The following GOLGA6L2 variants were observed in gnomAD, a reference collection of about 807,000 sequenced individuals.
GOLGA6L2 encodes golgin A6 family like 2.
In GOLGA6L2, 30 loss-of-function variants were observed where a neutral mutation model predicts 35.9. The ratio of observed to expected loss-of-function variants is 0.83; its 90% confidence interval spans 0.62 to 1.13. GOLGA6L2 has a LOEUF of 1.13. Among genes scored for constraint, GOLGA6L2 ranks in the 50% most tolerant of loss-of-function variants. The probability of loss-of-function intolerance (pLI) is 0.00; values close to 1 mark genes in which losing one functional copy is unlikely to be tolerated. For synonymous variants in GOLGA6L2, 297 were observed against 344.0 expected (o/e 0.86, Z 1.51); for missense variants, 821 against 973.4 (o/e 0.84, Z 2.08).
In GOLGA6L2 at chr15:23,443,833, C is replaced by G. The variant is rs80332934; in HGVS notation, c.535G>C (p.Gly179Arg). 4.2e-5 allele frequency: 65 copies of G among 1,540,148 alleles called. No individual in the cohort carries two copies. In the East Asian group the frequency reaches 5.3e-4, roughly 13 times the overall value. Residue 179 changes from glycine to arginine, a missense_variant, in exon 5 of 8, where the codon GGA becomes CGA. This residue lies in a region of GOLGA6L2 where 614 missense variants were observed against 632.3 expected (regional missense o/e 0.97). Transcript: ENST00000567107. ...GCAGAGAGAGCCCGCTGTAACTCTCCTGCAAAGTGCCAGGAATGATGCAAG... is the reference window on the plus strand; with the variant it reads ...GCAGAGAGAGCCCGCTGTAACTCTCGTGCAAAGTGCCAGGAATGATGCAAG... The part of the protein sequence containing the change: ...GRLHHSWHFA[G>R]ELQRALSAVS...
chr15:23,444,078 G>A lies in GOLGA6L2; in HGVS notation c.295-5C>T, dbSNP rs1242574475. 1.3e-6 allele frequency: 2 copies of A among 1,572,460 alleles called. No homozygotes were observed. Among genetic ancestry groups the A allele is most frequent in the South Asian group, 2.3e-5 (2 of 88,020 alleles). ...TCGTATTGTATGATCCTGGGCCTTT[G>A]GGAGAAAAGACAAGCAAGTGCTGAA... On this transcript the variant is annotated splice_polypyrimidine_tract_variant and splice_region_variant and intron_variant, in intron 4 of 7. Coordinates refer to ENST00000567107, the MANE Select transcript of GOLGA6L2 (RefSeq NM_001304388.2).
At chr15:23,443,211 G>A (rs1331621330) in intron 5 of GOLGA6L2, among the ~76,000 whole-genome samples, 1 of 152,112 alleles carries the variant, frequency 6.6e-6, no homozygotes, top group Non-Finnish European at 1.5e-5. Context: ...CAGATAAGAA[G>A]GAGGAAATTA....
Position 23,444,228 on chromosome 15 carries a change from G to A in GOLGA6L2, c.244-16C>T, listed in dbSNP as rs770880870. ...CCTTCTTTTCCTATAGAAAGAGGAA[G>A]ACAGAGCTCTTACTAGGGGGAGGCA... On this transcript the variant is annotated splice_polypyrimidine_tract_variant and intron_variant, in intron 3 of 7. Transcript: ENST00000567107. 2.1e-5 allele frequency: 34 copies of A among 1,603,404 alleles called. No homozygotes were observed. The highest frequency in any genetic ancestry group is 4.4e-5 in the South Asian group (4 of 90,608).
At chr15:23,442,415 C>T (rs1394927001) in intron 6 of GOLGA6L2, 35 bp downstream of exon 6, 13 of 1,580,446 alleles carry the variant, frequency 8.2e-6, no homozygotes, top group Admixed American at 1.7e-5. Flanking sequence ...CGCTAAGGGC[C>T]CCCAGACCTC....
rs764247022 is a variant in GOLGA6L2 at position 23,439,777 on chromosome 15, C to T, written c.2698G>A (p.Ala900Thr). The change falls in exon 8 of 8, where the codon GCC becomes ACC. Residue 900 changes from alanine (A) to threonine (T), a missense_variant. Ala to Thr is a moderately conservative substitution (Grantham distance 58). Around this residue, in one of 7 missense-constraint regions of GOLGA6L2, gnomAD observed 48 missense variants for 42.7 expected, o/e 1.12. Coordinates refer to ENST00000567107, the MANE Select transcript of GOLGA6L2 (RefSeq NM_001304388.2). ...GAACTTTGGAGGGAGGGAGGCAGGGCTCTGAGCACCGCTCCTCGTGCTCTG... is the reference window on the plus strand; with the variant it reads ...GAACTTTGGAGGGAGGGAGGCAGGGTTCTGAGCACCGCTCCTCGTGCTCTG... ...AARARGAVLR[A>T]LPPSLQSSL is the part of the protein sequence containing the mutation. The T allele has an allele frequency of 3.3e-6, 5 of 1,534,964 alleles. No homozygotes were observed. The South Asian group carries it at 6.0e-5, about 18-fold the overall frequency.
Position 23,441,062 on chromosome 15 carries a change from C to T in GOLGA6L2, c.1413G>A (p.Glu471=). The T allele has an allele frequency of 6.5e-7, 1 of 1,535,856 alleles. No individual in the cohort carries two copies. Among genetic ancestry groups the T allele is most frequent in the African/African-American group, 1.4e-5 (1 of 72,590 alleles). Reference sequence around the variant, plus strand: ...TATTCTCCTCCTGCTTCTGCATCTTCTCCTCCTGCTCCCGCATCGTCTCCT... The same window carrying T: ...TATTCTCCTCCTGCTTCTGCATCTTTTCCTCCTGCTCCCGCATCGTCTCCT... ...EEEETMREQE[E]KMQKQEENMW... is the part of the protein sequence containing the mutation. Residue 471 remains glutamate (E), a synonymous_variant, in exon 8 of 8, where the codon GAG becomes GAA. Coordinates refer to ENST00000567107, the MANE Select transcript of GOLGA6L2 (RefSeq NM_001304388.2).
At chr15:23,444,111 C>CA (rs760076817) in intron 4 of GOLGA6L2, 38 bp from the exon 5 acceptor site, 229 of 1,591,978 alleles carry the variant, frequency 1.4e-4, no homozygotes, top group Non-Finnish European at 1.8e-4. Flanking sequence ...GAAAGAGAAG[C>CA]AAAAAAACCT....
At chr15:23,444,139 G>A in intron 4 of GOLGA6L2, 23 bp downstream of exon 4, 3 of 1,602,596 alleles carry the variant, frequency 1.9e-6, no homozygotes, top group Non-Finnish European at 2.5e-6. Context: ...AGGACAGGAG[G>A]GAACTTCACA....
At chr15:23,445,913 A>G (rs1886774417) in intron 1 of GOLGA6L2, among the ~76,000 whole-genome samples, 1 of 152,212 alleles carries the variant, frequency 6.6e-6, no homozygotes, top group Non-Finnish European at 1.5e-5. Flanking sequence ...GAAGTCTGGT[A>G]TACTTTTAGA....
In GOLGA6L2 at chr15:23,443,978, A is replaced by G. The variant is rs768547245; in HGVS notation, c.390T>C (p.Asp130=). 6.4e-6 allele frequency: 10 copies of G among 1,561,894 alleles called. No individual in the cohort carries two copies. The highest frequency in any genetic ancestry group is 2.3e-5 in the East Asian group (1 of 43,008). The part of the protein sequence containing the change: ...YSQDAARKFE[D]GNLGTPSSFN... ...AGGATGATGGGGTGCCCAGGTTCCC[A>G]TCTTCAAATTTCCTGGCAGCATCCT... Residue 130 remains aspartate, a synonymous_variant, in exon 5 of 8, where the codon GAT becomes GAC. Transcript: ENST00000567107.
At chr15:23,442,378 AC>A (rs987781180) in intron 6 of GOLGA6L2, 71 bp downstream of exon 6, 7 of 710,804 alleles carry the variant, frequency 9.8e-6, no homozygotes, top group Admixed American at 2.3e-5. Context: ...GCTCACCTGT[AC>A]CCCCCACCTC....
chr15:23,439,754 A>G lies in GOLGA6L2; in HGVS notation c.2721T>C (p.Ser907=). 1 of 1,534,718 alleles carries G rather than the reference A, an allele frequency of 6.5e-7. No homozygotes were observed. The highest frequency in any genetic ancestry group is 1.2e-5 in the South Asian group (1 of 83,952). The change falls in exon 8 of 8, where the codon AGT becomes AGC. Residue 907 remains serine (S), a synonymous_variant. Transcript: ENST00000567107. ...VLRALPPSLQ[S]SL ...GCCAGTGTGGCTCATATTACAAAGA[A>G]CTTTGGAGGGAGGGAGGCAGGGCTC...
intron 7 of GOLGA6L2, 130 bp downstream of exon 7, chr15:23,441,849 A>C (rs756003302): frequency 4.3e-5 from 59 of 1,373,604 alleles, no homozygotes; most frequent in Non-Finnish European, 5.7e-5. Context: ...AGAGGATTCT[A>C]TGGTGGGACC....
chr15:23,445,230 T>G, intron 2 of GOLGA6L2, 80 bp downstream of exon 2: 1 of 261,708 alleles, frequency 3.8e-6, no homozygotes, highest in South Asian at 4.7e-5. Context: ...CCGGCAGTTC[T>G]TCCTTCCACA....
rs1441907076 is a variant in GOLGA6L2, at chr15:23,444,381, A to C, written c.243+90T>G. On this transcript the variant is annotated intron_variant, in intron 3 of 7. Coordinates refer to ENST00000567107, the MANE Select transcript of GOLGA6L2 (RefSeq NM_001304388.2). ...ATCTTGGCGGTGAGCCTTCTTCCCCAAGCTGGGAGTAGGCGAGATGAGACG... is the reference window on the plus strand; with the variant it reads ...ATCTTGGCGGTGAGCCTTCTTCCCCCAGCTGGGAGTAGGCGAGATGAGACG... 22 of 1,506,544 alleles carry C rather than the reference A, an allele frequency of 1.5e-5. No individual in the cohort carries two copies. The East Asian group carries it at 5.0e-4, about 34-fold the overall frequency. The allele number at this position is 1,506,544 out of a possible 1,614,324, so 93.3% of individuals were successfully genotyped here.
intron 7 of GOLGA6L2, 124 bp downstream of exon 7, chr15:23,441,855 G>A (rs2070697385): frequency 3.6e-6 from 5 of 1,380,280 alleles, no homozygotes; most frequent in Non-Finnish European, 3.8e-6. Flanking sequence ...TTCTATGGTG[G>A]GACCAGAACA....
intron 1 of GOLGA6L2, among the ~76,000 whole-genome samples, chr15:23,446,026 G>A (rs1430330588): frequency 6.6e-6 from 1 of 152,152 alleles, no homozygotes; most frequent in Non-Finnish European, 1.5e-5. Context: ...GTATCCTGTG[G>A]CACTCAAAGT....
rs571284304 is a variant in GOLGA6L2, at chr15:23,439,105, AG to A, written c.*639del. 3.3e-3 allele frequency among the ~76,000 whole-genome samples: 502 copies of A among 152,300 alleles called. 1 individual carries two copies. The highest frequency in any genetic ancestry group is 5.7e-3 in the Non-Finnish European group (386 of 68,030). ...CAAGACTAAATGAGAAAGACCAAGAAGAAAAACAATAGAAACATACATAGAT... is the reference window on the plus strand; with the variant it reads ...CAAGACTAAATGAGAAAGACCAAGAAAAAAACAATAGAAACATACATAGAT... On this transcript the variant is annotated 3_prime_UTR_variant, in exon 8 of 8. Transcript: ENST00000567107.
intron 5 of GOLGA6L2, among the ~76,000 whole-genome samples, chr15:23,443,294 T>C (rs1005161211): frequency 6.6e-6 from 1 of 152,126 alleles, no homozygotes; most frequent in Non-Finnish European, 1.5e-5. Flanking sequence ...AAGGGAAATA[T>C]CTACCCCACA....
Sources: allele counts gnomAD v4.1 joint callset (sites outside exome capture counted in the v4.1 genomes callset), GRCh38; gene constraint gnomAD v4.1.1; regional missense constraint gnomAD v4.1.1; transcripts MANE v1.5; gene names NCBI Gene and HGNC (gene_info 2026-07-23, HGNC 2026-07-21).